The following CD200R1L variants were observed in gnomAD, a reference collection of about 807,000 sequenced individuals.
CD200R1L encodes the protein cell surface glycoprotein CD200 receptor 2.
CD200R1L carries 14 observed loss-of-function variants against 24.8 expected under a neutral mutation model. The observed-to-expected ratio is 0.56, with a 90% confidence interval of 0.37 to 0.88. The LOEUF is 0.88. Ranked by LOEUF, CD200R1L falls within the 40% of genes least tolerant of loss-of-function variation. CD200R1L has a pLI of 0.00. For missense variants in CD200R1L, 299 were observed against 297.8 expected (o/e 1.00, Z -0.03); for synonymous variants, 111 against 109.2 (o/e 1.02, Z -0.11).
At chr3:112,825,007 G>A (rs1938624050) in intron 6 of CD200R1L, among the ~76,000 whole-genome samples, 1 of 152,182 alleles carries the variant, frequency 6.6e-6, no homozygotes, top group Non-Finnish European at 1.5e-5. Context: ...GGAGGCCCAG[G>A]CGGGCGGATC....
intron 6 of CD200R1L, among the ~76,000 whole-genome samples, chr3:112,825,261 A>G (rs1938631563): frequency 6.6e-6 from 1 of 151,580 alleles, no homozygotes; most frequent in Non-Finnish European, 1.5e-5. Context: ...TTAAAAAAAA[A>G]AAAAAAAGAA....
At chr3:112,832,741 G>A (rs939155024) in intron 3 of CD200R1L, among the ~76,000 whole-genome samples, 1 of 152,126 alleles carries the variant, frequency 6.6e-6, no homozygotes, top group Non-Finnish European at 1.5e-5. Context: ...TTATTGATCT[G>A]GTAAATGCAT....
intron 2 of CD200R1L, chr3:112,841,246 C>T (rs546778380): frequency 3.6e-5 from 16 of 448,960 alleles, no homozygotes; most frequent in South Asian, 2.6e-4. Flanking sequence ...CACCTCCTCA[C>T]CTTCTGCTGG....
chr3:112,823,163 A>T (rs1013139047), intron 6 of CD200R1L, among the ~76,000 whole-genome samples: 15 of 152,248 alleles, frequency 9.9e-5, no homozygotes, highest in Admixed American at 5.2e-4. Flanking sequence ...CAAGACCTTA[A>T]GTTTGAAGTT....
intron 6 of CD200R1L, among the ~76,000 whole-genome samples, chr3:112,824,055 A>C (rs1181121096): frequency 6.6e-6 from 1 of 152,220 alleles, no homozygotes; most frequent in Non-Finnish European, 1.5e-5. Context: ...GGAGGAAGTT[A>C]AGCTGGGTCC....
At chr3:112,817,706 G>A (rs970868235) in intron 7 of CD200R1L, among the ~76,000 whole-genome samples, 9 of 152,316 alleles carry the variant, frequency 5.9e-5, no homozygotes, top group South Asian at 2.1e-4. Context: ...GTTTGTTTCA[G>A]CAATTAAATA....
intron 2 of CD200R1L, among the ~76,000 whole-genome samples, chr3:112,842,537 G>C (rs1229045781): frequency 6.6e-6 from 1 of 152,152 alleles, no homozygotes; most frequent in Non-Finnish European, 1.5e-5. Context: ...AACAAGGGAA[G>C]ACAACCGTAA....
chr3:112,835,283 T>C (rs1462457770), intron 3 of CD200R1L, among the ~76,000 whole-genome samples: 1 of 152,024 alleles, frequency 6.6e-6, no homozygotes, highest in African/African-American at 2.4e-5. Flanking sequence ...TGGTTCCTAG[T>C]AGAGAAGAAA....
chr3:112,828,765 C>T (rs1391504815), intron 4 of CD200R1L, among the ~76,000 whole-genome samples: 1 of 152,104 alleles, frequency 6.6e-6, no homozygotes, highest in Non-Finnish European at 1.5e-5. Context: ...TAAGCCAACA[C>T]AATGTTTCCA....
At chr3:112,823,673 G>A (rs983287889) in intron 6 of CD200R1L, among the ~76,000 whole-genome samples, 11 of 152,156 alleles carry the variant, frequency 7.2e-5, no homozygotes, top group Non-Finnish European at 1.3e-4. Context: ...GCACAGAGGA[G>A]GAATAGCTAA....
intron 3 of CD200R1L, among the ~76,000 whole-genome samples, chr3:112,836,107 G>T (rs1205663184): frequency 6.6e-6 from 1 of 152,248 alleles, no homozygotes; most frequent in African/African-American, 2.4e-5. Flanking sequence ...ATGAAGCAGG[G>T]AGTGAGGTTG....
chr3:112,840,341 C>T (rs1019163443), intron 2 of CD200R1L, among the ~76,000 whole-genome samples: 4 of 152,196 alleles, frequency 2.6e-5, no homozygotes, highest in Non-Finnish European at 5.9e-5. Flanking sequence ...AGCTTTTACT[C>T]ATGGCAGAAG....
intron 6 of CD200R1L, among the ~76,000 whole-genome samples, chr3:112,824,298 A>G (rs1292529539): frequency 6.6e-6 from 1 of 152,222 alleles, no homozygotes; most frequent in African/African-American, 2.4e-5. Context: ...TTCTAGCTTG[A>G]GTCATTTATC....
At chr3:112,816,086 A>G (rs1186499004) in intron 7 of CD200R1L, 111 bp from the exon 8 acceptor site, 5 of 666,836 alleles carry the variant, frequency 7.5e-6, no homozygotes, top group Non-Finnish European at 1.1e-5. Flanking sequence ...GTACATTCCA[A>G]TAATAAATTA....
intron 3 of CD200R1L, among the ~76,000 whole-genome samples, chr3:112,837,482 G>A (rs1343168311): frequency 6.6e-6 from 1 of 152,058 alleles, no homozygotes; most frequent in South Asian, 2.1e-4. Flanking sequence ...GCTTCTATTG[G>A]CTGAACATTT....
rs573799836 is a variant in CD200R1L, at chr3:112,845,972, C to T, written c.-358-22G>A. On this transcript the variant is annotated intron_variant, in intron 1 of 7. Transcript: ENST00000488794. Reference sequence around the variant, plus strand: ...TTTGCTGTGTAATAAAGCAAAAAAGCCAATGCTTACTACTCATTGCTTCTC... The same window carrying T: ...TTTGCTGTGTAATAAAGCAAAAAAGTCAATGCTTACTACTCATTGCTTCTC... 4.3e-4 allele frequency: 198 copies of T among 459,972 alleles called. 1 individual carries two copies. The highest frequency in any genetic ancestry group is 1.2e-3 in the Middle Eastern group (2 of 1,732). 28.5% of individuals were successfully genotyped at this position (459,972 alleles called of 1,614,324 possible). A position where few individuals can be genotyped will look rare whatever the true frequency, so the allele number is the denominator to read the frequency against.
chr3:112,816,340 A>G (rs868526403), intron 7 of CD200R1L, among the ~76,000 whole-genome samples: 1 of 152,170 alleles, frequency 6.6e-6, no homozygotes, highest in Non-Finnish European at 1.5e-5. Context: ...TCTGATCTAC[A>G]TGGTTCTCAT....
At chr3:112,820,784 G>A (rs1003933129) in intron 6 of CD200R1L, among the ~76,000 whole-genome samples, 3 of 151,880 alleles carry the variant, frequency 2.0e-5, no homozygotes, top group Non-Finnish European at 4.4e-5. Context: ...TAGGCAGGGT[G>A]TGGTGGCTCA....
intron 4 of CD200R1L, among the ~76,000 whole-genome samples, chr3:112,828,027 G>A (rs1436822437): frequency 6.6e-6 from 1 of 152,070 alleles, no homozygotes; most frequent in African/African-American, 2.4e-5. Context: ...AAACAACAAA[G>A]GCAATGTTCT....
Sources: gnomAD v4.1 joint callset for allele counts (sites outside exome capture counted in the v4.1 genomes callset) on GRCh38, gnomAD v4.1.1 for gene constraint, MANE v1.5 for transcripts, NCBI Gene and HGNC (gene_info 2026-07-23, HGNC 2026-07-21) for gene names.